PTPRR: variants seen among roughly 807,000 people sequenced by gnomAD.
PTPRR encodes the protein protein tyrosine phosphatase receptor type R.
PTPRR carries 38 observed loss-of-function variants against 77.2 expected under a neutral mutation model. That is an observed-to-expected ratio of 0.49 (90% CI 0.38 to 0.65). The LOEUF is 0.65. PTPRR is among the 30% of genes least tolerant of loss of function. The pLI, the probability that PTPRR is intolerant of heterozygous loss-of-function variation, is 0.00. For synonymous variants in PTPRR, 299 were observed against 283.1 expected (o/e 1.06, Z -0.57); for missense variants, 744 against 799.2 (o/e 0.93, Z 0.83).
chr12:70,724,950 C>T lies in PTPRR; in HGVS notation c.1007+20868G>A, dbSNP rs1391912685. ...ATTTCTATAAGATGTGTTATTTGCA[C>T]AGTTCATTTAAAATTAAAAATATTA... On this transcript the variant is annotated intron_variant, in intron 6 of 13. Coordinates refer to ENST00000283228, the MANE Select transcript of PTPRR (RefSeq NM_002849.4). Among the ~76,000 whole-genome samples the T allele has an allele frequency of 2.6e-5, 4 of 151,954 alleles. No individual in the cohort carries two copies. The South Asian group carries it at 6.2e-4, about 24-fold the overall frequency.
intron 8 of PTPRR, among the ~76,000 whole-genome samples, chr12:70,697,153 A>G (rs1888259422): frequency 6.6e-6 from 1 of 152,188 alleles, no homozygotes. Context: ...AGGAACTGCC[A>G]AACTGTTTTC....
At chr12:70,856,802 A>AAGAG (rs141467738) in intron 2 of PTPRR, among the ~76,000 whole-genome samples, 2 of 144,748 alleles carry the variant, frequency 1.4e-5, no homozygotes, top group Non-Finnish European at 1.5e-5. Flanking sequence ...GGGAGGCAGG[A>AAGAG]AGAGAGAGAG....
chr12:70,678,612 A>G (rs1887537824), intron 10 of PTPRR, among the ~76,000 whole-genome samples: 1 of 151,638 alleles, frequency 6.6e-6, no homozygotes, highest in Non-Finnish European at 1.5e-5. Flanking sequence ...TATTTCATTT[A>G]TTTCTGCTTT....
chr12:70,695,123 C>T (rs1429108544), intron 8 of PTPRR, among the ~76,000 whole-genome samples: 1 of 152,030 alleles, frequency 6.6e-6, no homozygotes, highest in Admixed American at 6.6e-5. Flanking sequence ...ATAATTGATT[C>T]TTGCCTATCC....
chr12:70,833,830 C>G (rs943783281), intron 2 of PTPRR, among the ~76,000 whole-genome samples: 10 of 152,272 alleles, frequency 6.6e-5, no homozygotes, highest in African/African-American at 2.4e-4. Context: ...ACATAAAGAA[C>G]TTCAAGTTTT....
At chr12:70,900,776 T>C (rs189501309) in intron 1 of PTPRR, among the ~76,000 whole-genome samples, 3 of 151,698 alleles carry the variant, frequency 2.0e-5, no homozygotes, top group African/African-American at 7.2e-5. Flanking sequence ...GAAAATATGC[T>C]CAGCATCACT....
chr12:70,897,280 C>A (rs560028429), intron 1 of PTPRR, among the ~76,000 whole-genome samples: 153 of 152,014 alleles, frequency 1.0e-3, no homozygotes, highest in Non-Finnish European at 1.9e-3. Context: ...TATCCAGAAT[C>A]TACAATGAAC....
intron 8 of PTPRR, among the ~76,000 whole-genome samples, chr12:70,694,162 A>T (rs1374616593): frequency 2.0e-5 from 3 of 152,172 alleles, no homozygotes; most frequent in Admixed American, 2.0e-4. Flanking sequence ...TGGTTCACTT[A>T]TTTGCATATC....
chr12:70,801,909 C>T (rs550371674), intron 2 of PTPRR, among the ~76,000 whole-genome samples: 9 of 152,104 alleles, frequency 5.9e-5, no homozygotes, highest in Non-Finnish European at 1.0e-4. Flanking sequence ...CTTCTTTCTC[C>T]CACATCCTCC....
At chr12:70,726,104 T>C (rs909324164) in intron 6 of PTPRR, among the ~76,000 whole-genome samples, 1 of 152,130 alleles carries the variant, frequency 6.6e-6, no homozygotes, top group Non-Finnish European at 1.5e-5. Flanking sequence ...ATGCTTTTTT[T>C]TTTTGCAGTC....
intron 13 of PTPRR, among the ~76,000 whole-genome samples, chr12:70,648,884 A>G (rs953620273): frequency 6.6e-6 from 1 of 152,168 alleles, no homozygotes; most frequent in Non-Finnish European, 1.5e-5. Context: ...GGAAAAAAAA[A>G]AAGAAATCTT....
chr12:70,871,725 T>G (rs1892962118), intron 2 of PTPRR, among the ~76,000 whole-genome samples: 1 of 152,240 alleles, frequency 6.6e-6, no homozygotes, highest in Non-Finnish European at 1.5e-5. Flanking sequence ...GGTTATTATT[T>G]GTCAGTTAAG....
At chr12:70,730,833 A>T (rs1203734338) in intron 6 of PTPRR, among the ~76,000 whole-genome samples, 2 of 151,262 alleles carry the variant, frequency 1.3e-5, no homozygotes, top group Non-Finnish European at 2.9e-5. Context: ...GAGAGGAAGG[A>T]GAGAGAATGA....
chr12:70,757,122 C>A (rs555352571), intron 4 of PTPRR, among the ~76,000 whole-genome samples: 4 of 152,292 alleles, frequency 2.6e-5, no homozygotes, highest in South Asian at 4.1e-4. Flanking sequence ...CTAATTTAGA[C>A]AAGACTACCT....
chr12:70,720,031 G>T (rs1273534639), intron 6 of PTPRR, among the ~76,000 whole-genome samples: 2 of 152,182 alleles, frequency 1.3e-5, no homozygotes, highest in Non-Finnish European at 2.9e-5. Context: ...CGCAACCATC[G>T]CTCTTCTCAA....
intron 8 of PTPRR, among the ~76,000 whole-genome samples, chr12:70,697,012 T>C (rs1888254844): frequency 6.6e-6 from 1 of 152,218 alleles, no homozygotes; most frequent in Non-Finnish European, 1.5e-5. Context: ...TGCCACTCTT[T>C]GGCTATTATG....
rs754301865 is a variant in PTPRR at position 70,892,671 on chromosome 12, C to T, written c.357+8G>A. 6.2e-7 allele frequency: 1 copy of T among 1,612,408 alleles called. No homozygotes were observed. Among genetic ancestry groups the T allele is most frequent in the African/African-American group, 1.3e-5 (1 of 74,964 alleles). On this transcript the variant is annotated splice_region_variant and intron_variant, in intron 2 of 13. Coordinates refer to ENST00000283228, the MANE Select transcript of PTPRR (RefSeq NM_002849.4). ...TCAGCCTCAGCATCAGTTTAACATA[C>T]TACTTACCACCACAATTACATTTGC...
rs115066940 is a variant in PTPRR, at chr12:70,691,053, C to T, written c.1280-6270G>A. Among the ~76,000 whole-genome samples, 1,149 of 152,250 alleles carry T rather than the reference C, an allele frequency of 7.5e-3. 16 individuals carry two copies. The highest frequency in any genetic ancestry group is 0.026 in the African/African-American group (1,082 of 41,536). ...AAAGGTCAGTTCTATATATCCTTCT[C>T]TAGCAATTATTCTATTGCTTTTCTT... On this transcript the variant is annotated intron_variant, in intron 8 of 13. Coordinates refer to ENST00000283228, the MANE Select transcript of PTPRR (RefSeq NM_002849.4).
intron 1 of PTPRR, among the ~76,000 whole-genome samples, chr12:70,918,477 G>C (rs1017510011): frequency 1.3e-5 from 2 of 152,096 alleles, no homozygotes; most frequent in Admixed American, 1.3e-4. Flanking sequence ...GAGATGGATT[G>C]GATTGGCTTT....
Sources: gnomAD v4.1 joint callset for allele counts (sites outside exome capture counted in the v4.1 genomes callset) on GRCh38, gnomAD v4.1.1 for gene constraint, MANE v1.5 for transcripts, NCBI Gene and HGNC (gene_info 2026-07-23, HGNC 2026-07-21) for gene names.